Variants in AGL observed in about 807,000 individuals in gnomAD.
AGL encodes glycogen debranching enzyme.
AGL carries 128 observed loss-of-function variants against 199.3 expected under a neutral mutation model. That is an observed-to-expected ratio of 0.64 (90% CI 0.56 to 0.74). The LOEUF is 0.74. Among genes scored for constraint, AGL ranks in the 30% least tolerant of loss-of-function variants. The pLI, the probability that AGL is intolerant of heterozygous loss-of-function variation, is 0.00. For synonymous variants in AGL, 584 were observed against 594.7 expected (o/e 0.98, Z 0.26); for missense variants, 1,809 against 1,820.8 (o/e 0.99, Z 0.12).
rs775566287 is a variant in AGL at position 99,870,397 on chromosome 1, C to T, written c.665-3C>T. Reference sequence around the variant, plus strand: ...ACTCCTTTGTGTCTCCTTTTTCCTTCAGCTGCTAATAGTAAATGGATCCAG... The same window carrying T: ...ACTCCTTTGTGTCTCCTTTTTCCTTTAGCTGCTAATAGTAAATGGATCCAG... On this transcript the variant is annotated splice_region_variant and splice_polypyrimidine_tract_variant and intron_variant, in intron 5 of 33. Coordinates refer to ENST00000361915, the MANE Select transcript of AGL (RefSeq NM_000642.3). 1.9e-6 allele frequency: 3 copies of T among 1,613,366 alleles called. No homozygotes were observed. In the South Asian group the frequency reaches 3.3e-5, roughly 18 times the overall value.
rs971558972 is a variant in AGL, at chr1:99,923,457, A to G, written c.*1806A>G. Reference sequence around the variant, plus strand: ...TGACCAAAAAAATTAAAAGTTCACAATTTTTTTAATGTAGCCATTTGGGGT... The same window carrying G: ...TGACCAAAAAAATTAAAAGTTCACAGTTTTTTTAATGTAGCCATTTGGGGT... On this transcript the variant is annotated 3_prime_UTR_variant, in exon 34 of 34. Coordinates refer to ENST00000361915, the MANE Select transcript of AGL (RefSeq NM_000642.3). 2 of 152,178 alleles carry G rather than the reference A, an allele frequency of 1.3e-5. No homozygotes were observed. Among genetic ancestry groups the G allele is most frequent in the Non-Finnish European group, 2.9e-5 (2 of 68,016 alleles). 9.4% of individuals were successfully genotyped at this position (152,178 alleles called of 1,614,324 possible).
In AGL at chr1:99,859,428, T is replaced by G. The variant is rs533300403; in HGVS notation, c.83-2075T>G. Among the ~76,000 whole-genome samples, 8 of 152,174 alleles carry G rather than the reference T, an allele frequency of 5.3e-5. No homozygotes were observed. In the East Asian group the frequency reaches 1.5e-3, roughly 29 times the overall value. The stretch of plus-strand genomic sequence containing the variant: ...CTTTTTCCCGTTTGTAGTAGTATTA[T>G]GGTGTATGTACTCTACCTCCCTGCC... On this transcript the variant is annotated intron_variant, in intron 2 of 33. Transcript: ENST00000361915.
At chr1:99,851,642 A>G (rs1177815756) in intron 2 of AGL, among the ~76,000 whole-genome samples, 4 of 152,208 alleles carry the variant, frequency 2.6e-5, no homozygotes, top group African/African-American at 9.6e-5. Context: ...TTTCTTAGCA[A>G]ATAAAAAGTG....
intron 2 of AGL, among the ~76,000 whole-genome samples, chr1:99,858,599 G>T (rs1361722430): frequency 6.6e-6 from 1 of 152,126 alleles, no homozygotes; most frequent in African/African-American, 2.4e-5. Flanking sequence ...TATAGTGAAA[G>T]CATTTTGAAT....
chr1:99,897,897 C>A (rs1653459548), intron 25 of AGL, among the ~76,000 whole-genome samples: 2 of 152,140 alleles, frequency 1.3e-5, no homozygotes, highest in African/African-American at 4.8e-5. Flanking sequence ...TAGTTTTTAT[C>A]ATTATTAATG....
At chr1:99,857,405 G>T (rs1177336583) in intron 2 of AGL, among the ~76,000 whole-genome samples, 1 of 152,106 alleles carries the variant, frequency 6.6e-6, no homozygotes, top group Admixed American at 6.5e-5. Flanking sequence ...CTTCCCAGAC[G>T]GGGTGGCGGC....
At chr1:99,909,545 G>T (rs1294050167) in intron 27 of AGL, among the ~76,000 whole-genome samples, 1 of 151,916 alleles carries the variant, frequency 6.6e-6, no homozygotes, top group Non-Finnish European at 1.5e-5. Context: ...TTTTCCTTTG[G>T]CTAGAGTCAA....
chr1:99,901,988 A>G (rs1433776605), intron 26 of AGL, among the ~76,000 whole-genome samples: 1 of 152,092 alleles, frequency 6.6e-6, no homozygotes, highest in African/African-American at 2.4e-5. Context: ...TTATCCAAAA[A>G]TATTCACAGC....
rs777670922 is a variant in AGL, at chr1:99,874,857, C to A, written c.1082+47C>A. ...GTGAAATAATAATATTACTTACAAA[C>A]CTTTATGGCTAGTATGATTTTCATA... On this transcript the variant is annotated intron_variant, in intron 8 of 33. Transcript: ENST00000361915. The A allele has an allele frequency of 2.5e-6, 4 of 1,588,044 alleles. No homozygotes were observed. The East Asian group carries it at 9.0e-5, about 36-fold the overall frequency.
At chr1:99,894,531 C>G (rs781149120) in intron 24 of AGL, among the ~76,000 whole-genome samples, 23 of 152,162 alleles carry the variant, frequency 1.5e-4, no homozygotes, top group African/African-American at 5.3e-4. Context: ...TATATATCAA[C>G]CATATATAAA....
chr1:99,859,375 A>G (rs1197734224), intron 2 of AGL, among the ~76,000 whole-genome samples: 1 of 147,004 alleles, frequency 6.8e-6, no homozygotes, highest in African/African-American at 2.6e-5. Context: ...AATTAGGATT[A>G]TACTATCTAA....
At chr1:99,914,130 G>A (rs10783123) in intron 30 of AGL, among the ~76,000 whole-genome samples, 106,607 of 151,880 alleles carry the variant, frequency 0.7, 37,487 homozygotes, top group Admixed American at 0.74. Flanking sequence ...TATTTGAAAA[G>A]AAAAGAAAAG....
At chr1:99,920,635 T>C (rs1419135786) in intron 33 of AGL, among the ~76,000 whole-genome samples, 2 of 152,226 alleles carry the variant, frequency 1.3e-5, no homozygotes, top group Non-Finnish European at 2.9e-5. Flanking sequence ...TATTAGTTAT[T>C]ATCCAAAATA....
intron 26 of AGL, among the ~76,000 whole-genome samples, chr1:99,901,215 A>G (rs1653811232): frequency 6.6e-6 from 1 of 151,888 alleles, no homozygotes; most frequent in Non-Finnish European, 1.5e-5. Context: ...GGTGAGTAGG[A>G]CTTTCGGAGA....
chr1:99,916,753 A>G, intron 33 of AGL, 22 bp downstream of exon 33: 1 of 1,609,904 alleles, frequency 6.2e-7, no homozygotes, highest in Non-Finnish European at 8.5e-7. Context: ...GGAGCATGTA[A>G]TTTCCATAAC....
chr1:99,851,507 A>G (rs1304575869), intron 2 of AGL, among the ~76,000 whole-genome samples: 3 of 152,204 alleles, frequency 2.0e-5, no homozygotes, highest in African/African-American at 7.2e-5. Context: ...CCTTTGTATA[A>G]CTGTCTCTTT....
chr1:99,850,240 C>G (rs186104051), upstream of AGL: 1 of 152,606 alleles, frequency 6.6e-6, no homozygotes, highest in East Asian at 1.9e-4. Context: ...CCCGGTCGCT[C>G]GCCGCCCCTC....
At chr1:99,919,021 A>C (rs1655329487) in intron 33 of AGL, among the ~76,000 whole-genome samples, 1 of 152,128 alleles carries the variant, frequency 6.6e-6, no homozygotes, top group Non-Finnish European at 1.5e-5. Context: ...TGGTTGGTAC[A>C]CTACAGATAC....
At chr1:99,868,861 G>A (rs1650753654) in intron 5 of AGL, among the ~76,000 whole-genome samples, 1 of 135,932 alleles carries the variant, frequency 7.4e-6, no homozygotes, top group Admixed American at 8.0e-5. Context: ...GTCTCATTCT[G>A]TCACCCAGGC....
Sources: allele counts gnomAD v4.1 joint callset (sites outside exome capture counted in the v4.1 genomes callset), GRCh38; gene constraint gnomAD v4.1.1; transcripts MANE v1.5; gene names NCBI Gene and HGNC (gene_info 2026-07-23, HGNC 2026-07-21).